The following PRRC1 variants were observed in gnomAD, a reference collection of about 807,000 sequenced individuals.
The protein encoded by PRRC1 is proline rich coiled-coil 1, also known as protein PRRC1.
PRRC1 carries 39 observed loss-of-function variants against 40.7 expected under a neutral mutation model. The ratio of observed to expected loss-of-function variants is 0.96; its 90% CI spans 0.74 to 1.25. The LOEUF is 1.25. PRRC1 is among the 50% of genes most tolerant of loss of function. The pLI is 0.00. For synonymous variants in PRRC1, 175 were observed against 193.3 expected, an observed-to-expected ratio of 0.91 and a Z score of 0.79; for missense variants, 573 against 548.3, an observed-to-expected ratio of 1.05 and a Z score of -0.45.
At chr5:127,522,297 TA>T (rs989004919) in intron 1 of PRRC1, among the ~76,000 whole-genome samples, 2 of 152,238 alleles carry the variant, frequency 1.3e-5, no homozygotes, top group African/African-American at 4.8e-5. Flanking sequence ...TTAACTTTTC[TA>T]AAACCTCAGA....
chr5:127,529,411 G>A (rs544737008), intron 4 of PRRC1, among the ~76,000 whole-genome samples: 1 of 152,108 alleles, frequency 6.6e-6, no homozygotes, highest in East Asian at 1.9e-4. Context: ...AAGAGCATGT[G>A]TCAGTGTGTT....
Position 127,530,347 on chromosome 5 carries a change from AG to A in PRRC1, c.709del (p.Val237Ter), listed in dbSNP as rs758493229. The A allele has an allele frequency of 6.2e-7, 1 of 1,613,994 alleles. No individual in the cohort carries two copies. Among genetic ancestry groups the A allele is most frequent in the Non-Finnish European group, 8.5e-7 (1 of 1,179,936 alleles). On this transcript the variant is annotated frameshift_variant, in exon 5 of 9. Coordinates refer to ENST00000296666, the MANE Select transcript of PRRC1 (RefSeq NM_130809.5). LOFTEE classifies it high-confidence loss of function. ...KSVLDKTKHS[V>X]ESMITTLDPG... is the part of the protein sequence containing the mutation. ...CTGTGCTTGATAAGACAAAACATTC[AG>A]TAGAAAGCATGATTACAACGCTGGA...
intron 1 of PRRC1, among the ~76,000 whole-genome samples, chr5:127,520,054 A>T (rs1207322748): frequency 1.3e-5 from 2 of 152,138 alleles, no homozygotes; most frequent in African/African-American, 4.8e-5. Flanking sequence ...CACTATCATC[A>T]CTTGAGTCTA....
At chr5:127,519,058 CTT>C (rs1767390913) in intron 1 of PRRC1, among the ~76,000 whole-genome samples, 1 of 152,128 alleles carries the variant, frequency 6.6e-6, no homozygotes, top group Non-Finnish European at 1.5e-5. Flanking sequence ...CACTTAATGA[CTT>C]TGTATTCATT....
Position 127,554,460 on chromosome 5 carries a change from ATTT to A in PRRC1, c.*2545_*2547del, listed in dbSNP as rs1768475225. On this transcript the variant is annotated 3_prime_UTR_variant, in exon 9 of 9. Transcript: ENST00000296666. ...TGAATTTTATAAGCTTGTACACAAT[ATTT>A]AATTAGTGTGAAAGGAAACAAAGAA... 6.6e-6 allele frequency: 1 copy of A among 152,030 alleles called. No individual in the cohort carries two copies. Among genetic ancestry groups the A allele is most frequent in the Non-Finnish European group, 1.5e-5 (1 of 68,006 alleles). 9.4% of individuals were successfully genotyped at this position (152,030 alleles called of 1,614,324 possible). A position where few individuals can be genotyped will look rare whatever the true frequency, so the allele number is the denominator to read the frequency against.
chr5:127,551,153 TTC>T (rs945898809), intron 8 of PRRC1: 9 of 164,546 alleles, frequency 5.5e-5, no homozygotes, highest in African/African-American at 2.2e-4. Flanking sequence ...GAGTTTATTC[TTC>T]TGTCATTCCT....
At chr5:127,527,971 G>A (rs181559922) in intron 4 of PRRC1, among the ~76,000 whole-genome samples, 47 of 151,968 alleles carry the variant, frequency 3.1e-4, no homozygotes, top group African/African-American at 1.0e-3. Flanking sequence ...TTTGGACTAG[G>A]GTATTTTCTG....
chr5:127,538,216 C>T lies in PRRC1; in HGVS notation c.922-824C>T, dbSNP rs146347063. Among the ~76,000 whole-genome samples, 998 of 152,098 alleles carry T rather than the reference C, an allele frequency of 6.6e-3. 13 individuals carry two copies. Among genetic ancestry groups the T allele is most frequent in the African/African-American group, 0.023 (943 of 41,532 alleles). ...TTGTCTCTGAAATAAATTGAGTTTT[C>T]TCGAGATGTGTCCTAGCCTTCTTAA... On this transcript the variant is annotated intron_variant, in intron 6 of 8. Coordinates refer to ENST00000296666, the MANE Select transcript of PRRC1 (RefSeq NM_130809.5).
At chr5:127,532,480 A>G (rs554560830) in intron 5 of PRRC1, among the ~76,000 whole-genome samples, 2 of 152,342 alleles carry the variant, frequency 1.3e-5, no homozygotes, top group Admixed American at 6.5e-5. Context: ...AAGAAACTCA[A>G]AAAGTATTAG....
At chr5:127,540,914 A>G (rs1371455466) in intron 7 of PRRC1, among the ~76,000 whole-genome samples, 1 of 152,080 alleles carries the variant, frequency 6.6e-6, no homozygotes, top group East Asian at 1.9e-4. Context: ...TCTGATGGTA[A>G]TAGGAGTGGT....
At chr5:127,525,195 C>A (rs562710282) in intron 3 of PRRC1, among the ~76,000 whole-genome samples, 2 of 152,292 alleles carry the variant, frequency 1.3e-5, no homozygotes, top group Admixed American at 1.3e-4. Context: ...AATCTACTTT[C>A]TATGTATATG....
In PRRC1 at chr5:127,554,079, C is replaced by A. The variant is rs923759419; in HGVS notation, c.*2163C>A. ...TTTATTTTGTTGTCCTTAGATTTCCCTGTTGTAAAAGGGGCAAGAAAAGTA... is the reference window on the plus strand; with the variant it reads ...TTTATTTTGTTGTCCTTAGATTTCCATGTTGTAAAAGGGGCAAGAAAAGTA... On this transcript the variant is annotated 3_prime_UTR_variant, in exon 9 of 9. Coordinates refer to ENST00000296666, the MANE Select transcript of PRRC1 (RefSeq NM_130809.5). 1.6e-6 allele frequency: 1 copy of A among 610,508 alleles called. No individual in the cohort carries two copies. Among genetic ancestry groups the A allele is most frequent in the Admixed American group, 3.4e-5 (1 of 29,108 alleles). 37.8% of individuals were successfully genotyped at this position (610,508 alleles called of 1,614,324 possible).
chr5:127,530,002 A>G (rs1223868882), intron 4 of PRRC1, among the ~76,000 whole-genome samples: 1 of 152,114 alleles, frequency 6.6e-6, no homozygotes, highest in Non-Finnish European at 1.5e-5. Flanking sequence ...ATATATGTAT[A>G]TACACACACA....
intron 6 of PRRC1, 31 bp downstream of exon 6, chr5:127,533,817 G>A: frequency 6.2e-7 from 1 of 1,607,828 alleles, no homozygotes; most frequent in Non-Finnish European, 8.5e-7. Flanking sequence ...TTCAGGACAT[G>A]GAAACTGGCA....
intron 1 of PRRC1, 182 bp downstream of exon 1, chr5:127,517,958 GGCGGCGT>G (rs986516132): frequency 6.6e-5 from 10 of 152,624 alleles, no homozygotes; most frequent in African/African-American, 2.4e-4. Flanking sequence ...GCTCAGCTGT[GGCGGCGT>G]GCGGGGTGCA....
At chr5:127,544,871 T>C (rs957117980) in intron 7 of PRRC1, among the ~76,000 whole-genome samples, 4 of 152,350 alleles carry the variant, frequency 2.6e-5, no homozygotes, top group Non-Finnish European at 5.9e-5. Flanking sequence ...GGCTCGAGCA[T>C]GGTGCGCTGC....
chr5:127,537,909 T>G (rs574797514), intron 6 of PRRC1, among the ~76,000 whole-genome samples: 1 of 152,116 alleles, frequency 6.6e-6, no homozygotes, highest in African/African-American at 2.4e-5. Context: ...GTTATTAGAT[T>G]TGGTGATGCC....
chr5:127,530,054 C>CTACT (rs1767726039), intron 4 of PRRC1, among the ~76,000 whole-genome samples: 1 of 152,052 alleles, frequency 6.6e-6, no homozygotes, highest in Non-Finnish European at 1.5e-5. Flanking sequence ...CATACCCATG[C>CTACT]TACTCAAAGC....
At chr5:127,537,470 A>T (rs747967349) in intron 6 of PRRC1, among the ~76,000 whole-genome samples, 4 of 151,922 alleles carry the variant, frequency 2.6e-5, no homozygotes, top group African/African-American at 9.7e-5. Context: ...TCATTTTCTT[A>T]TGGATTTTAT....
Sources: gnomAD v4.1 joint callset for allele counts (sites outside exome capture counted in the v4.1 genomes callset) on GRCh38, gnomAD v4.1.1 for gene constraint, MANE v1.5 for transcripts, NCBI Gene and HGNC (gene_info 2026-07-23, HGNC 2026-07-21) for gene names.